WBP1L: variants seen among roughly 807,000 people sequenced by gnomAD.
The protein encoded by WBP1L is WW domain binding protein 1-like.
Under a neutral mutation model 33.7 loss-of-function variants are expected in WBP1L, and 17 were observed. The ratio of observed to expected loss-of-function variants is 0.50; its 90% confidence interval spans 0.34 to 0.76. WBP1L has a LOEUF of 0.76. Ranked by LOEUF, WBP1L falls within the 30% of genes least tolerant of loss-of-function variation. WBP1L has a pLI of 0.01. For missense variants in WBP1L, 389 were observed against 469.4 expected (o/e 0.83, Z 1.58); for synonymous variants, 173 against 190.8 (o/e 0.91, Z 0.77).
At chr10:102,746,609 T>TG (rs66527766) in intron 1 of WBP1L, among the ~76,000 whole-genome samples, 10 of 149,046 alleles carry the variant, frequency 6.7e-5, no homozygotes, top group South Asian at 4.3e-4. Context: ...TGGGTTTTTT[T>TG]GGGGGGGGTG....
chr10:102,792,276 C>T (rs572981399), intron 1 of WBP1L, among the ~76,000 whole-genome samples: 123 of 152,320 alleles, frequency 8.1e-4, no homozygotes, highest in African/African-American at 2.4e-3. Context: ...CGGTCATTCC[C>T]GAGGTGAAAG....
At chr10:102,787,650 T>C (rs1019530273) in intron 1 of WBP1L, among the ~76,000 whole-genome samples, 2 of 152,140 alleles carry the variant, frequency 1.3e-5, no homozygotes, top group Non-Finnish European at 2.9e-5. Flanking sequence ...AGGCCAGGAC[T>C]CCTGCTGCAT....
intron 1 of WBP1L, among the ~76,000 whole-genome samples, chr10:102,757,038 C>T (rs941553170): frequency 5.3e-5 from 8 of 152,080 alleles, no homozygotes; most frequent in African/African-American, 1.9e-4. Flanking sequence ...CCAACGTTTG[C>T]CACCACACCT....
chr10:102,746,948 T>C (rs950601612), intron 1 of WBP1L, among the ~76,000 whole-genome samples: 1 of 152,190 alleles, frequency 6.6e-6, no homozygotes, highest in Non-Finnish European at 1.5e-5. Flanking sequence ...AGCCATTTCT[T>C]GTTTATGCAG....
At chr10:102,798,243 CCT>C (rs1417046538) in intron 2 of WBP1L, 148 bp downstream of exon 2, 2 of 643,460 alleles carry the variant, frequency 3.1e-6, no homozygotes, top group Non-Finnish European at 5.4e-6. Context: ...AGAAGTGCTT[CCT>C]TTGTAGAGGA....
chr10:102,803,884 A>G (rs1264250710), intron 2 of WBP1L: 1 of 151,620 alleles, frequency 6.6e-6, no homozygotes, highest in Non-Finnish European at 1.5e-5. Context: ...GCCTTGAGCC[A>G]CCGCGCCCAG....
chr10:102,754,862 G>C (rs536951496), intron 1 of WBP1L, among the ~76,000 whole-genome samples: 1 of 151,000 alleles, frequency 6.6e-6, no homozygotes, highest in East Asian at 1.9e-4. Flanking sequence ...ACACTACAGT[G>C]TCCAGCTAAT....
At chr10:102,747,345 C>T (rs939549220) in intron 1 of WBP1L, among the ~76,000 whole-genome samples, 7 of 122,304 alleles carry the variant, frequency 5.7e-5, no homozygotes, top group Admixed American at 2.1e-4. Context: ...GGTGACAGAG[C>T]GAGACTCCGT....
At chr10:102,792,712 A>C (rs1028858216) in intron 1 of WBP1L, among the ~76,000 whole-genome samples, 1 of 149,398 alleles carries the variant, frequency 6.7e-6, no homozygotes, top group African/African-American at 2.5e-5. Flanking sequence ...CTTCTGCCTC[A>C]GGCTCCCAAG....
At chr10:102,794,046 T>C (rs967785852) in intron 1 of WBP1L, among the ~76,000 whole-genome samples, 1 of 152,122 alleles carries the variant, frequency 6.6e-6, no homozygotes, top group East Asian at 1.9e-4. Flanking sequence ...GCTGAAATTA[T>C]AGGCGTGACC....
intron 2 of WBP1L, among the ~76,000 whole-genome samples, chr10:102,807,375 G>C (rs958940511): frequency 2.0e-5 from 3 of 151,956 alleles, no homozygotes; most frequent in African/African-American, 7.3e-5. Context: ...TCCTTTTTCT[G>C]TCCATATATA....
intron 1 of WBP1L, among the ~76,000 whole-genome samples, chr10:102,782,193 C>G (rs1190082618): frequency 2.1e-5 from 3 of 144,164 alleles, no homozygotes; most frequent in African/African-American, 7.8e-5. Flanking sequence ...AACCCCCAAC[C>G]ATCTCTGTTG....
At chr10:102,805,040 T>C (rs1297795511) in intron 2 of WBP1L, among the ~76,000 whole-genome samples, 1 of 152,092 alleles carries the variant, frequency 6.6e-6, no homozygotes, top group Non-Finnish European at 1.5e-5. Context: ...CCTAGCACTT[T>C]GGGAGCCAAG....
intron 1 of WBP1L, among the ~76,000 whole-genome samples, chr10:102,770,202 G>A (rs991880429): frequency 7.2e-5 from 11 of 152,190 alleles, no homozygotes; most frequent in African/African-American, 2.2e-4. Context: ...TTTAACTTTT[G>A]TTGTGACACT....
At chr10:102,764,698 C>G (rs1843086973) in intron 1 of WBP1L, among the ~76,000 whole-genome samples, 1 of 152,180 alleles carries the variant, frequency 6.6e-6, no homozygotes, top group African/African-American at 2.4e-5. Context: ...CTAATGTTTT[C>G]TTCTGGTGTT....
At chr10:102,787,730 A>G (rs1028297678) in intron 1 of WBP1L, among the ~76,000 whole-genome samples, 2 of 152,058 alleles carry the variant, frequency 1.3e-5, no homozygotes, top group Admixed American at 6.6e-5. Context: ...CAATTTGAAA[A>G]TGTGTGCCCT....
At chr10:102,797,489 T>A (rs188928864) in intron 1 of WBP1L, among the ~76,000 whole-genome samples, 23 of 152,310 alleles carry the variant, frequency 1.5e-4, no homozygotes, top group Admixed American at 7.2e-4. Context: ...ATAAACCATA[T>A]TTTTTCCCCT....
chr10:102,744,913 C>G (rs1206665429), intron 1 of WBP1L, among the ~76,000 whole-genome samples: 1 of 152,192 alleles, frequency 6.6e-6, no homozygotes, highest in Non-Finnish European at 1.5e-5. Context: ...GTGGCTTGCT[C>G]TTTATCCAGG....
intron 1 of WBP1L, among the ~76,000 whole-genome samples, chr10:102,789,784 C>T (rs1051166317): frequency 6.6e-6 from 1 of 150,426 alleles, no homozygotes; most frequent in Non-Finnish European, 1.5e-5. Context: ...ACTCTGTCAC[C>T]CAGGCTGGAG....
Sources: gnomAD v4.1 joint callset for allele counts (sites outside exome capture counted in the v4.1 genomes callset) on GRCh38, gnomAD v4.1.1 for gene constraint, MANE v1.5 for transcripts, NCBI Gene and HGNC (gene_info 2026-07-23, HGNC 2026-07-21) for gene names.